The following SCHIP1 variants were observed in gnomAD, a reference collection of about 807,000 sequenced individuals.
SCHIP1 encodes schwannomin-interacting protein 1.
SCHIP1 carries 8 observed loss-of-function variants against 29.7 expected under a neutral mutation model. The observed-to-expected ratio is 0.27, with a 90% CI of 0.16 to 0.49. SCHIP1 has a LOEUF of 0.49. Ranked by LOEUF, SCHIP1 falls within the 20% of genes least tolerant of loss-of-function variation. SCHIP1 has a pLI of 0.99. For synonymous variants in SCHIP1, 76 were observed against 94.9 expected (o/e 0.80, Z 1.16); for missense variants, 193 against 294.6 (o/e 0.66, Z 2.52).
chr3:159,882,632 G>T (rs575735198), intron 2 of SCHIP1, among the ~76,000 whole-genome samples: 2 of 152,276 alleles, frequency 1.3e-5, no homozygotes, highest in South Asian at 4.1e-4. Context: ...AACTGCTCTT[G>T]TCCCTGTATT....
chr3:159,624,266 T>C, the SCHIP1 span, among the ~76,000 whole-genome samples: 1 of 152,208 alleles, frequency 6.6e-6, no homozygotes, highest in African/African-American at 2.4e-5. Context: ...ATAAATTCAC[T>C]GTTAAATGGA....
the SCHIP1 span, among the ~76,000 whole-genome samples, chr3:159,411,154 C>T: frequency 6.6e-6 from 1 of 151,918 alleles, no homozygotes; most frequent in African/African-American, 2.4e-5. Context: ...GGGGAGGGGG[C>T]ACGATAATTA....
chr3:159,350,425 G>T, the SCHIP1 span, among the ~76,000 whole-genome samples: 9 of 152,238 alleles, frequency 5.9e-5, no homozygotes, highest in Middle Eastern at 3.4e-3. Context: ...TTGTAAATAT[G>T]CTAAAATTTG....
the SCHIP1 span, among the ~76,000 whole-genome samples, chr3:159,307,998 T>C: frequency 1.3e-5 from 2 of 152,078 alleles, no homozygotes; most frequent in Non-Finnish European, 2.9e-5. Flanking sequence ...TATATTTTGA[T>C]GTCAGGTAGT....
chr3:159,731,898 G>A, the SCHIP1 span, among the ~76,000 whole-genome samples: 3 of 152,128 alleles, frequency 2.0e-5, no homozygotes, highest in Non-Finnish European at 2.9e-5. Context: ...GCCGAGGCTG[G>A]AGTGCAATGG....
the SCHIP1 span, among the ~76,000 whole-genome samples, chr3:159,694,584 GAAA>G: frequency 9.4e-5 from 14 of 148,824 alleles, no homozygotes; most frequent in South Asian, 8.6e-4. Flanking sequence ...AAGAAAGAAA[GAAA>G]GAAAGAAAGA....
At chr3:159,520,096 T>TAAAAA in the SCHIP1 span, among the ~76,000 whole-genome samples, 1 of 82,880 alleles carries the variant, frequency 1.2e-5, no homozygotes, top group Non-Finnish European at 2.5e-5. Flanking sequence ...CCTCATCAAA[T>TAAAAA]AAAAAAAAAA....
the SCHIP1 span, among the ~76,000 whole-genome samples, chr3:159,391,217 T>A: frequency 1.3e-5 from 2 of 152,178 alleles, no homozygotes; most frequent in East Asian, 3.8e-4. Context: ...AAGATCCAGT[T>A]CTCCTAGAGT....
At chr3:159,813,508 T>G in the SCHIP1 span, among the ~76,000 whole-genome samples, 3 of 151,860 alleles carry the variant, frequency 2.0e-5, no homozygotes, top group African/African-American at 7.3e-5. Context: ...CTGGGCAACC[T>G]GGGGAGACCC....
chr3:159,525,716 T>A, the SCHIP1 span, among the ~76,000 whole-genome samples: 1 of 152,180 alleles, frequency 6.6e-6, no homozygotes, highest in South Asian at 2.1e-4. Context: ...ATTCATGGAC[T>A]GAAGTAGATC....
the SCHIP1 span, among the ~76,000 whole-genome samples, chr3:159,421,804 A>C: frequency 3.3e-5 from 5 of 152,176 alleles, no homozygotes; most frequent in African/African-American, 1.2e-4. Context: ...AGCTTTTACA[A>C]GTAGTTCCTA....
the SCHIP1 span, among the ~76,000 whole-genome samples, chr3:159,772,583 T>A: frequency 1.3e-5 from 2 of 152,346 alleles, no homozygotes; most frequent in African/African-American, 2.4e-5. Context: ...ACAGTTGTTA[T>A]CTGGTTGGTT....
chr3:159,557,633 T>C, the SCHIP1 span, among the ~76,000 whole-genome samples: 208 of 152,304 alleles, frequency 1.4e-3, no homozygotes, highest in African/African-American at 4.6e-3. Context: ...CTGGGCAACA[T>C]AGTGAGACAC....
At chr3:159,851,716 G>A (rs537313187) in intron 1 of SCHIP1, among the ~76,000 whole-genome samples, 6 of 152,268 alleles carry the variant, frequency 3.9e-5, no homozygotes, top group South Asian at 4.2e-4. Context: ...GCACCTGCAC[G>A]GGGCACTGGG....
the SCHIP1 span, among the ~76,000 whole-genome samples, chr3:159,651,122 T>A: frequency 6.6e-6 from 1 of 152,220 alleles, no homozygotes; most frequent in African/African-American, 2.4e-5. Flanking sequence ...ATAAGTGTTA[T>A]TTGCTATCAT....
At chr3:159,828,571 A>C in the SCHIP1 span, among the ~76,000 whole-genome samples, 1 of 151,500 alleles carries the variant, frequency 6.6e-6, no homozygotes, top group African/African-American at 2.4e-5. Context: ...AATGTATCGT[A>C]CTTTTGACAT....
chr3:159,502,527 T>C, the SCHIP1 span, among the ~76,000 whole-genome samples: 6 of 152,162 alleles, frequency 3.9e-5, 1 homozygote, highest in Admixed American at 3.3e-4. Flanking sequence ...AGTTTTAGGG[T>C]ACATGTGCAC....
chr3:159,795,702 G>C, the SCHIP1 span, among the ~76,000 whole-genome samples: 2 of 152,170 alleles, frequency 1.3e-5, no homozygotes, highest in African/African-American at 4.8e-5. Flanking sequence ...CTTGAGCTGG[G>C]TCCTGAAAAA....
At chr3:159,681,089 C>T in the SCHIP1 span, among the ~76,000 whole-genome samples, 7 of 151,954 alleles carry the variant, frequency 4.6e-5, no homozygotes, top group East Asian at 1.2e-3. Flanking sequence ...CTACGGGTCC[C>T]ATGTTTTAAT....
Sources: gnomAD v4.1 joint callset for allele counts (sites outside exome capture counted in the v4.1 genomes callset) on GRCh38, gnomAD v4.1.1 for gene constraint, MANE v1.5 for transcripts, NCBI Gene and HGNC (gene_info 2026-07-23, HGNC 2026-07-21) for gene names.